The following EYS variants were observed in gnomAD, a reference collection of about 807,000 sequenced individuals.
EYS encodes protein eyes shut homolog.
EYS carries 250 observed loss-of-function variants against 282.1 expected under a neutral mutation model. That is an observed-to-expected ratio of 0.89 (90% CI 0.80 to 0.98). The LOEUF (loss-of-function observed/expected upper bound fraction) is 0.98. EYS is among the 50% of genes least tolerant of loss of function. The probability of loss-of-function intolerance (pLI) is 0.00; values close to 1 mark genes in which losing one functional copy is unlikely to be tolerated. For missense variants in EYS, 4,016 were observed against 3,709.0 expected (o/e 1.08, Z -2.15); for synonymous variants, 1,355 against 1,282.9 (o/e 1.06, Z -1.20).
intron 30 of EYS, among the ~76,000 whole-genome samples, chr6:64,251,202 C>T (rs538026465): frequency 4.5e-4 from 69 of 152,258 alleles, no homozygotes; most frequent in African/African-American, 1.5e-3. Flanking sequence ...TGCAGTCAAA[C>T]GTGAAACCTT....
intron 22 of EYS, among the ~76,000 whole-genome samples, chr6:64,801,284 T>C (rs1239221617): frequency 6.6e-6 from 1 of 152,122 alleles, no homozygotes; most frequent in Non-Finnish European, 1.5e-5. Flanking sequence ...AGATACACTT[T>C]TGAAGAAAAC....
intron 2 of EYS, among the ~76,000 whole-genome samples, 199 bp from the exon 3 acceptor site, chr6:65,496,192 G>A (rs528704190): frequency 6.6e-6 from 1 of 152,042 alleles, no homozygotes; most frequent in South Asian, 2.1e-4. Context: ...AATGGTGGAA[G>A]GTGCCAGATA....
At chr6:64,049,615 T>G (rs1423510282) in intron 33 of EYS, among the ~76,000 whole-genome samples, 1 of 152,112 alleles carries the variant, frequency 6.6e-6, no homozygotes, top group Non-Finnish European at 1.5e-5. Flanking sequence ...GAGGTGGGTG[T>G]GTTTTACAGA....
At chr6:64,349,047 CTT>C (rs1038678914) in intron 29 of EYS, among the ~76,000 whole-genome samples, 24 of 151,374 alleles carry the variant, frequency 1.6e-4, no homozygotes, top group Admixed American at 7.9e-4. Flanking sequence ...GTCTTGTTTG[CTT>C]TTGATCTTAA....
chr6:63,811,418 T>C (rs1268353838), intron 36 of EYS, among the ~76,000 whole-genome samples: 1 of 152,246 alleles, frequency 6.6e-6, no homozygotes, highest in Non-Finnish European at 1.5e-5. Flanking sequence ...AGGTTGATTA[T>C]TTCTTTTCTC....
chr6:63,995,457 G>A (rs2149799593), intron 34 of EYS, among the ~76,000 whole-genome samples: 1 of 152,108 alleles, frequency 6.6e-6, no homozygotes, highest in South Asian at 2.1e-4. Flanking sequence ...TGGTCAGGAT[G>A]TAAGATGATG....
chr6:65,366,789 T>C (rs185596124), intron 8 of EYS, among the ~76,000 whole-genome samples: 1 of 151,696 alleles, frequency 6.6e-6, no homozygotes, highest in Admixed American at 6.7e-5. Flanking sequence ...TTCTGCAGGT[T>C]CTGAGGGGGA....
At chr6:63,799,473 C>T (rs1385578343) in intron 37 of EYS, among the ~76,000 whole-genome samples, 1 of 152,070 alleles carries the variant, frequency 6.6e-6, no homozygotes, top group Non-Finnish European at 1.5e-5. Flanking sequence ...CAATCAATGC[C>T]TACACAGCAT....
chr6:64,177,727 T>G (rs1764677818), intron 31 of EYS, among the ~76,000 whole-genome samples: 1 of 152,168 alleles, frequency 6.6e-6, no homozygotes, highest in South Asian at 2.1e-4. Context: ...TATTTAATTT[T>G]CCATACTTTG....
intron 5 of EYS, among the ~76,000 whole-genome samples, chr6:65,441,003 T>G (rs1768302224): frequency 6.7e-6 from 1 of 148,416 alleles, no homozygotes; most frequent in African/African-American, 2.4e-5. Context: ...TATTAAACTG[T>G]GTGTGTGTTT....
At chr6:64,424,982 T>C (rs1774355212) in intron 28 of EYS, among the ~76,000 whole-genome samples, 1 of 152,114 alleles carries the variant, frequency 6.6e-6, no homozygotes, top group Non-Finnish European at 1.5e-5. Context: ...ACGGAACCAA[T>C]GTGGGAACAG....
intron 22 of EYS, among the ~76,000 whole-genome samples, chr6:64,797,353 T>C (rs1008131214): frequency 1.3e-5 from 2 of 151,992 alleles, no homozygotes; most frequent in African/African-American, 4.8e-5. Context: ...AGTTCGGAGA[T>C]GTGAGATTAT....
intron 5 of EYS, among the ~76,000 whole-genome samples, chr6:65,473,113 G>A (rs1487647426): frequency 2.0e-5 from 3 of 151,776 alleles, no homozygotes; most frequent in Admixed American, 6.6e-5. Context: ...TCAGGCTATC[G>A]GTAAGGAGAG....
chr6:63,769,062 G>C (rs949596880), intron 40 of EYS, among the ~76,000 whole-genome samples: 1 of 152,056 alleles, frequency 6.6e-6, no homozygotes, highest in African/African-American at 2.4e-5. Context: ...ATAGGCACTG[G>C]GGACTACTTG....
At position 64,116,390 on chromosome 6, in the gene EYS, A is replaced by G. The variant is rs563944964; in HGVS notation, c.6425-34388T>C. ...GAAAGAAAAATAAAACCTGCCAGTC[A>G]ATATTTTATCCTATAGTAGATACAT... is the stretch of plus-strand genomic sequence containing the variant. On this transcript the variant is annotated intron_variant, in intron 31 of 42. Coordinates refer to ENST00000503581, the MANE Select transcript of EYS (RefSeq NM_001142800.2). Among the ~76,000 whole-genome samples, 4 of 152,332 alleles carry G rather than the reference A, an allele frequency of 2.6e-5. No homozygotes were observed. In the South Asian group the frequency reaches 8.3e-4, roughly 32 times the overall value.
At chr6:65,625,634 AT>A (rs1766663003) in intron 2 of EYS, among the ~76,000 whole-genome samples, 1 of 152,174 alleles carries the variant, frequency 6.6e-6, no homozygotes, top group Non-Finnish European at 1.5e-5. Context: ...CATGTTTTCT[AT>A]TTTTATGTTT....
At chr6:64,104,219 T>C (rs1392605777) in intron 31 of EYS, among the ~76,000 whole-genome samples, 1 of 152,028 alleles carries the variant, frequency 6.6e-6, no homozygotes, top group Non-Finnish European at 1.5e-5. Context: ...ATAAGATGCA[T>C]TTTTTGAATT....
intron 26 of EYS, among the ~76,000 whole-genome samples, chr6:64,449,099 A>C (rs1457321565): frequency 6.6e-6 from 1 of 152,128 alleles, no homozygotes; most frequent in Non-Finnish European, 1.5e-5. Context: ...AAGAAGATAA[A>C]AACTTTAAAA....
At chr6:64,301,418 A>G (rs1409576277) in intron 30 of EYS, among the ~76,000 whole-genome samples, 1 of 152,160 alleles carries the variant, frequency 6.6e-6, no homozygotes, top group Non-Finnish European at 1.5e-5. Flanking sequence ...TATTCAATTC[A>G]ATTGTTTATT....
Sources: gnomAD v4.1 joint callset for allele counts (sites outside exome capture counted in the v4.1 genomes callset) on GRCh38, gnomAD v4.1.1 for gene constraint, MANE v1.5 for transcripts, NCBI Gene and HGNC (gene_info 2026-07-23, HGNC 2026-07-21) for gene names.